UBR3: variants seen among roughly 807,000 people sequenced by gnomAD.
The protein encoded by UBR3 is E3 ubiquitin-protein ligase UBR3.
Under a neutral mutation model 243.2 loss-of-function variants are expected in UBR3, and 85 were observed. The observed-to-expected ratio is 0.35, with a 90% CI of 0.29 to 0.42. The LOEUF (loss-of-function observed/expected upper bound fraction) is 0.42, where lower values mean the gene tolerates loss of function less well. Ranked by LOEUF, UBR3 falls within the 10% of genes least tolerant of loss-of-function variation. UBR3 has a pLI of 1.00. For missense variants in UBR3, 1,686 were observed against 2,300.8 expected (o/e 0.73, Z 5.47); for synonymous variants, 748 against 799.8 (o/e 0.94, Z 1.09).
chr2:169,861,206 A>G (rs970594456), intron 1 of UBR3, among the ~76,000 whole-genome samples: 2 of 152,226 alleles, frequency 1.3e-5, no homozygotes, highest in Non-Finnish European at 1.5e-5. Context: ...TCTCACAGAT[A>G]CACCCAGGAA....
At chr2:170,050,107 G>C (rs2091183143) in intron 32 of UBR3, among the ~76,000 whole-genome samples, 2 of 152,038 alleles carry the variant, frequency 1.3e-5, no homozygotes, top group Non-Finnish European at 2.9e-5. Flanking sequence ...AGACGGACTT[G>C]GTATCTTTTC....
intron 35 of UBR3, among the ~76,000 whole-genome samples, chr2:170,069,406 C>G (rs1433236899): frequency 1.3e-5 from 2 of 151,950 alleles, no homozygotes; most frequent in African/African-American, 2.4e-5. Context: ...CACAATCAGG[C>G]TAATTAACAT....
At chr2:170,077,893 A>G (rs1426450896) in intron 36 of UBR3, 8 of 442,324 alleles carry the variant, frequency 1.8e-5, no homozygotes, top group Admixed American at 1.6e-4. Context: ...GCTCTGTTCA[A>G]ATAACTCTTA....
At chr2:169,841,776 A>C (rs4668171) in intron 1 of UBR3, among the ~76,000 whole-genome samples, 8,708 of 152,282 alleles carry the variant, frequency 0.057, 453 homozygotes, top group African/African-American at 0.14. Flanking sequence ...CCCGCGGGGC[A>C]GGGCTCGGGA....
chr2:169,985,533 A>G (rs757111731), intron 24 of UBR3, among the ~76,000 whole-genome samples: 5 of 152,034 alleles, frequency 3.3e-5, no homozygotes, highest in Admixed American at 6.5e-5. Flanking sequence ...GCCCGGCCTC[A>G]TATCAACTCT....
intron 14 of UBR3, 93 bp from the exon 15 acceptor site, chr2:169,926,599 A>G (rs1035088526): frequency 6.0e-5 from 82 of 1,355,506 alleles, no homozygotes; most frequent in Non-Finnish European, 7.2e-5. Flanking sequence ...AAAAAACAAA[A>G]AACAAAAAAC....
At chr2:170,030,180 T>G (rs2090632504) in intron 31 of UBR3, among the ~76,000 whole-genome samples, 1 of 152,172 alleles carries the variant, frequency 6.6e-6, no homozygotes, top group Non-Finnish European at 1.5e-5. Flanking sequence ...CTTTCCAAAC[T>G]GACTTTTGTA....
At chr2:169,853,101 A>AAC in intron 1 of UBR3, among the ~76,000 whole-genome samples, 1 of 152,206 alleles carries the variant, frequency 6.6e-6, no homozygotes, top group Non-Finnish European at 1.5e-5. Context: ...AAATATAACT[A>AAC]ACACATAACT....
intron 19 of UBR3, among the ~76,000 whole-genome samples, chr2:169,933,607 T>C (rs1038433980): frequency 6.6e-6 from 1 of 152,192 alleles, no homozygotes; most frequent in Non-Finnish European, 1.5e-5. Flanking sequence ...GTTAATATTA[T>C]ATTGCCAAAT....
At chr2:170,026,531 G>A (rs1305518583) in intron 30 of UBR3, among the ~76,000 whole-genome samples, 2 of 152,048 alleles carry the variant, frequency 1.3e-5, no homozygotes. Flanking sequence ...TTTGTTTAAA[G>A]ACACATGGCT....
chr2:169,867,675 G>T (rs2105307005), intron 1 of UBR3, among the ~76,000 whole-genome samples: 1 of 152,180 alleles, frequency 6.6e-6, no homozygotes, highest in East Asian at 1.9e-4. Flanking sequence ...ATTAGTAAAG[G>T]GAATCTTTCC....
chr2:169,910,655 T>C (rs1350262573), intron 10 of UBR3, among the ~76,000 whole-genome samples: 2 of 152,138 alleles, frequency 1.3e-5, no homozygotes, highest in Non-Finnish European at 2.9e-5. Context: ...AGATAAGACA[T>C]TCTCTTCGTG....
chr2:169,990,547 G>A (rs1352198191), intron 25 of UBR3, among the ~76,000 whole-genome samples: 2 of 152,038 alleles, frequency 1.3e-5, no homozygotes, highest in African/African-American at 4.8e-5. Flanking sequence ...AAATAATAAT[G>A]TTCTTGTTTG....
intron 1 of UBR3, among the ~76,000 whole-genome samples, chr2:169,855,497 G>C (rs1396642316): frequency 6.6e-6 from 1 of 151,974 alleles, no homozygotes; most frequent in African/African-American, 2.4e-5. Flanking sequence ...GGGCCCTGCC[G>C]CCTTCCGCAG....
rs1372570280 is a variant in UBR3 at position 169,856,225 on chromosome 2, A to G, written c.546-16011A>G. Among the ~76,000 whole-genome samples the G allele has an allele frequency of 2.1e-5, 3 of 139,724 alleles. No individual in the cohort carries two copies. In the East Asian group the frequency reaches 6.6e-4, roughly 31 times the overall value. 91.7% of individuals were successfully genotyped at this position (139,724 alleles called of 152,430 possible). On this transcript the variant is annotated intron_variant, in intron 1 of 38. Coordinates refer to ENST00000272793, the MANE Select transcript of UBR3 (RefSeq NM_172070.4). ...GCGGCCGGGCAGAGGCGCTCCTCAC[A>G]TCCCAGATGGGGCGGCGGGGCAGAG...
At chr2:169,947,259 G>T in intron 21 of UBR3, 1 of 202,710 alleles carries the variant, frequency 4.9e-6, no homozygotes, top group East Asian at 1.1e-4. Context: ...ATTCTGTAAT[G>T]TTCAGTATTC....
chr2:169,898,034 A>G (rs982119032), intron 8 of UBR3, among the ~76,000 whole-genome samples: 3 of 152,204 alleles, frequency 2.0e-5, no homozygotes, highest in African/African-American at 7.2e-5. Context: ...CAGAACTCTT[A>G]CTATTCTTAA....
chr2:169,985,224 CTT>C (rs71006060), intron 24 of UBR3, among the ~76,000 whole-genome samples: 1,203 of 113,092 alleles, frequency 0.011, 15 homozygotes, highest in African/African-American at 0.033. Context: ...CAACTCTTTT[CTT>C]TTTTTTTTTT....
Position 170,073,463 on chromosome 2 carries a change from G to A in UBR3, c.5055G>A (p.Leu1685=), listed in dbSNP as rs2091742935. The change falls in exon 36 of 39, where the codon CTG becomes CTA. Residue 1685 remains leucine, a synonymous_variant. Transcript: ENST00000272793. ...EEEFSVLASC[L]GLLPTFYQTE... Reference sequence around the variant, plus strand: ...AATTTTCAGTTCTTGCCAGCTGCCTGGGACTTCTGCCAACGTTTTACCAAA... The same window carrying A: ...AATTTTCAGTTCTTGCCAGCTGCCTAGGACTTCTGCCAACGTTTTACCAAA... The A allele has an allele frequency of 6.2e-7, 1 of 1,613,686 alleles. No individual in the cohort carries two copies. The highest frequency in any genetic ancestry group is 1.3e-5 in the African/African-American group (1 of 75,032).
Sources: gnomAD v4.1 joint callset for allele counts (sites outside exome capture counted in the v4.1 genomes callset) on GRCh38, gnomAD v4.1.1 for gene constraint, MANE v1.5 for transcripts, NCBI Gene and HGNC (gene_info 2026-07-23, HGNC 2026-07-21) for gene names.